PGLYRP2: variants seen among roughly 807,000 people sequenced by gnomAD.
The protein encoded by PGLYRP2 is peptidoglycan recognition protein 2.
PGLYRP2 carries 38 observed loss-of-function variants against 46.2 expected under a neutral mutation model. The ratio of observed to expected loss-of-function variants is 0.82; its 90% confidence interval spans 0.64 to 1.08. The LOEUF is 1.08. Ranked by LOEUF, PGLYRP2 falls within the 50% of genes least tolerant of loss-of-function variation. The pLI is 0.00. For synonymous variants in PGLYRP2, 289 were observed against 329.4 expected, an observed-to-expected ratio of 0.88 and a Z score of 1.33; for missense variants, 713 against 755.9, an observed-to-expected ratio of 0.94 and a Z score of 0.67.
chr19:15,475,808 G>A lies in PGLYRP2; in HGVS notation c.862C>T (p.Arg288Trp), dbSNP rs144764696. 838 of 1,614,054 alleles carry A rather than the reference G, an allele frequency of 5.2e-4. 1 individual carries two copies. The highest frequency in any genetic ancestry group is 6.5e-4 in the Non-Finnish European group (770 of 1,180,020). The change falls in exon 2 of 5, where the codon CGG becomes TGG. Residue 288 changes from arginine to tryptophan, a missense_variant. Physicochemically the swap from Arg to Trp is moderately radical, Grantham distance 101. Coordinates refer to ENST00000340880, the MANE Select transcript of PGLYRP2 (RefSeq NM_052890.4). ...DGVILGDYLS[R>W]TPEPRPSLSH... ...AGGGATGGCCGGGGCTCAGGAGTCC[G>A]GCTCAGGTAGTCTCCAAGGATGACC...
chr19:15,472,222 T>A, intron 2 of PGLYRP2, 122 bp from the exon 3 acceptor site: 2 of 771,106 alleles, frequency 2.6e-6, no homozygotes, highest in Non-Finnish European at 4.1e-6. Context: ...AAGGGTCCAG[T>A]CTCACCCCAC....
At chr19:15,478,653 C>T (rs111425790) in intron 1 of PGLYRP2, among the ~76,000 whole-genome samples, 1,583 of 137,682 alleles carry the variant, frequency 0.011, 42 homozygotes, top group African/African-American at 0.04. Flanking sequence ...TTTTTTGAGA[C>T]GGAGTCTTGC....
Position 15,475,703 on chromosome 19 carries a change from C to G in PGLYRP2, c.967G>C (p.Gly323Arg). Residue 323 changes from glycine (G) to arginine (R), a missense_variant, in exon 2 of 5, where the codon GGT (glycine) becomes CGT (arginine). Gly to Arg is a moderately radical substitution (Grantham distance 125). Transcript: ENST00000340880. ...ATGGAGGCTGAAGTCAGAGCAGCAC[C>G]GTTCTGCCGTCGGAAGTTGCTGCGG... ...GFRSNFRRQN[G>R]AALTSASILA... 1 of 1,614,086 alleles carries G rather than the reference C, an allele frequency of 6.2e-7. No individual in the cohort carries two copies. The highest frequency in any genetic ancestry group is 8.5e-7 in the Non-Finnish European group (1 of 1,179,988).
chr19:15,472,368 T>A (rs1970758502), intron 2 of PGLYRP2, among the ~76,000 whole-genome samples: 1 of 151,976 alleles, frequency 6.6e-6, no homozygotes. Context: ...GGTGGGTGGA[T>A]CACTTGAGGT....
At chr19:15,473,818 AAAAG>A (rs769583445) in intron 2 of PGLYRP2, among the ~76,000 whole-genome samples, 203 of 151,712 alleles carry the variant, frequency 1.3e-3, no homozygotes, top group Non-Finnish European at 1.7e-3. Context: ...TTCAAGAAAG[AAAAG>A]AAAGAAAGAA....
chr19:15,470,251 T>TCCTTCCTTCCTC (rs1409486856), intron 3 of PGLYRP2, among the ~76,000 whole-genome samples: 91 of 108,600 alleles, frequency 8.4e-4, no homozygotes, highest in Admixed American at 1.7e-3. Flanking sequence ...TTTCCTTCCT[T>TCCTTCCTTCCTC]CCTTCCTTCC....
chr19:15,468,672 G>A lies in PGLYRP2; in HGVS notation c.1722C>T (p.Asp574=), dbSNP rs1251079271. 34 of 1,612,080 alleles carry A rather than the reference G, an allele frequency of 2.1e-5. No individual in the cohort carries two copies. The East Asian group carries it at 7.4e-4, about 35-fold the overall frequency. ...TGTTTCCATGCTGTCTTTATTGGAG[G>A]TCTGTGGCTGGCAGGGTCCTTGGGG... ...EPPPRTLPAT[D]LQ is the part of the protein sequence containing the mutation. The change falls in exon 5 of 5, where the codon GAC becomes GAT. Residue 574 remains aspartate (D), a synonymous_variant. Coordinates refer to ENST00000340880, the MANE Select transcript of PGLYRP2 (RefSeq NM_052890.4).
Position 15,469,509 on chromosome 19 carries a change from G to C in PGLYRP2, c.1641+123C>G. Reference sequence around the variant, plus strand: ...GGTTTCCTGAATAGACGTGCCGCCGGGAAGTTGGGGGCCTGGCTGAGGCTG... The same window carrying C: ...GGTTTCCTGAATAGACGTGCCGCCGCGAAGTTGGGGGCCTGGCTGAGGCTG... On this transcript the variant is annotated intron_variant, in intron 4 of 4. Transcript: ENST00000340880. The surrounding 1 kb of genome is among the most constrained non-coding windows in gnomAD (Gnocchi z 4.9). 3 of 1,344,854 alleles carry C rather than the reference G, an allele frequency of 2.2e-6. No individual in the cohort carries two copies. The highest frequency in any genetic ancestry group is 2.5e-5 in the South Asian group (2 of 80,396). 83.3% of individuals were successfully genotyped at this position (1,344,854 alleles called of 1,614,324 possible). A position where few individuals can be genotyped will look rare whatever the true frequency, so the allele number is the denominator to read the frequency against.
At position 15,469,188 on chromosome 19, in the gene PGLYRP2, C is replaced by G. The variant is rs929558916; in HGVS notation, c.1642-436G>C. The G allele has an allele frequency of 1.7e-6, 1 of 588,114 alleles. No homozygotes were observed. Among genetic ancestry groups the G allele is most frequent in the Non-Finnish European group, 3.0e-6 (1 of 329,748 alleles). The allele number at this position is 588,114 out of a possible 1,614,324, so 36.4% of individuals were successfully genotyped here. A position where few individuals can be genotyped will look rare whatever the true frequency, so the allele number is the denominator to read the frequency against. Reference sequence around the variant, plus strand: ...ACAGCCTAGGTTCATGTTGTGTGGACAGAGGGCCTTCGGGTAGGGGCAGGG... The same window carrying G: ...ACAGCCTAGGTTCATGTTGTGTGGAGAGAGGGCCTTCGGGTAGGGGCAGGG... On this transcript the variant is annotated intron_variant, in intron 4 of 4. Transcript: ENST00000340880. This position sits in a 1 kb window ranked among gnomAD's most constrained non-coding sequence, Gnocchi z 4.9.
rs1270674824 is a variant in PGLYRP2 at position 15,470,308 on chromosome 19, C to CTTTT, written c.1344-383_1344-380dup. On this transcript the variant is annotated intron_variant, in intron 3 of 4. Coordinates refer to ENST00000340880, the MANE Select transcript of PGLYRP2 (RefSeq NM_052890.4). ...TCCTTCCTTCCTTCTTTCTTTCTTT[C>CTTTT]TTTTTTTGATGGAGTTTCACTCTTG... 1.9e-3 allele frequency among the ~76,000 whole-genome samples: 232 copies of CTTTT among 122,956 alleles called. 8 individuals are homozygous for CTTTT. Among genetic ancestry groups the CTTTT allele is most frequent in the African/African-American group, 6.8e-3 (212 of 31,354 alleles). The allele number at this position is 122,956 out of a possible 152,430, so 80.7% of individuals were successfully genotyped here.
Position 15,471,183 on chromosome 19 carries a change from G to A in PGLYRP2, c.1343+707C>T, listed in dbSNP as rs1361844146. On this transcript the variant is annotated intron_variant, in intron 3 of 4. Coordinates refer to ENST00000340880, the MANE Select transcript of PGLYRP2 (RefSeq NM_052890.4). ...GCTGGAGTGCAATGGCGCGATCTCG[G>A]CTCACTGCAGGCTCCGCCTTCCGGG... is the stretch of plus-strand genomic sequence containing the variant. Among the ~76,000 whole-genome samples the A allele has an allele frequency of 2.8e-5, 4 of 143,474 alleles. No individual in the cohort carries two copies. In the East Asian group the frequency reaches 8.3e-4, roughly 30 times the overall value. 94.1% of individuals were successfully genotyped at this position (143,474 alleles called of 152,430 possible).
At chr19:15,470,053 C>G (rs898917125) in intron 3 of PGLYRP2, 124 bp from the exon 4 acceptor site, 131 of 1,023,486 alleles carry the variant, frequency 1.3e-4, no homozygotes, top group Non-Finnish European at 1.6e-4. Context: ...CGCGGTCGCG[C>G]TGCCTGTGTC....
chr19:15,472,323 G>A (rs1429477989), intron 2 of PGLYRP2, among the ~76,000 whole-genome samples: 1 of 152,110 alleles, frequency 6.6e-6, no homozygotes, highest in Admixed American at 6.6e-5. Flanking sequence ...GACGTAGTGG[G>A]TCTCACCTGT....
intron 1 of PGLYRP2, 28 bp downstream of exon 1, chr19:15,479,283 G>C: frequency 6.2e-7 from 1 of 1,612,726 alleles, no homozygotes. Context: ...CAAGAGGTTT[G>C]GTCCCAGGAC....
intron 2 of PGLYRP2, among the ~76,000 whole-genome samples, chr19:15,475,267 G>A (rs1435800459): frequency 2.0e-5 from 3 of 152,110 alleles, no homozygotes; most frequent in Non-Finnish European, 4.4e-5. Context: ...TGACCACTAT[G>A]CAATCTATGC....
intron 3 of PGLYRP2, among the ~76,000 whole-genome samples, chr19:15,471,393 C>T (rs1159508870): frequency 5.3e-5 from 8 of 151,736 alleles, no homozygotes; most frequent in Non-Finnish European, 8.8e-5. Flanking sequence ...GGATTACAGG[C>T]GTGAGCCACT....
chr19:15,479,470 C>A lies in PGLYRP2; in HGVS notation c.-99G>T. 1 of 1,195,764 alleles carries A rather than the reference C, an allele frequency of 8.4e-7. No homozygotes were observed. Among genetic ancestry groups the A allele is most frequent in the Non-Finnish European group, 1.2e-6 (1 of 821,840 alleles). The allele number at this position is 1,195,764 out of a possible 1,614,324, so 74.1% of individuals were successfully genotyped here. ...GACAGGCACAGAGAACTGAGCAGAG[C>A]CTTTGACCACTGTCAAAGTCCAGCG... On this transcript the variant is annotated 5_prime_UTR_variant, in exon 1 of 5. Transcript: ENST00000340880.
Position 15,469,291 on chromosome 19 carries a change from G to A in PGLYRP2, c.1641+341C>T. On this transcript the variant is annotated intron_variant, in intron 4 of 4. Transcript: ENST00000340880. This position sits in a 1 kb window ranked among gnomAD's most constrained non-coding sequence, Gnocchi z 4.9. ...TGACTTGGGTAGAGAAGTCATGAAG[G>A]CCAGGCTGAGGTTGTGAGGGCAGAG... 1.6e-6 allele frequency: 1 copy of A among 613,788 alleles called. No homozygotes were observed. The highest frequency in any genetic ancestry group is 2.9e-6 in the Non-Finnish European group (1 of 340,518). 38.0% of individuals were successfully genotyped at this position (613,788 alleles called of 1,614,324 possible).
At chr19:15,475,098 A>C (rs1970781676) in intron 2 of PGLYRP2, among the ~76,000 whole-genome samples, 2 of 152,164 alleles carry the variant, frequency 1.3e-5, no homozygotes, top group African/African-American at 4.8e-5. Context: ...CTCACTTATA[A>C]ATGGGAGCTA....
Sources: allele counts gnomAD v4.1 joint callset (sites outside exome capture counted in the v4.1 genomes callset), GRCh38; gene constraint gnomAD v4.1.1; non-coding constraint Gnocchi (gnomAD v3.1); transcripts MANE v1.5; gene names NCBI Gene and HGNC (gene_info 2026-07-23, HGNC 2026-07-21).